Variants in DIAPH3 observed in about 807,000 individuals in gnomAD.
DIAPH3 encodes protein diaphanous homolog 3.
Under a neutral mutation model 144.3 loss-of-function variants are expected in DIAPH3, and 117 were observed. The ratio of observed to expected loss-of-function variants is 0.81; its 90% CI spans 0.70 to 0.95. The LOEUF (loss-of-function observed/expected upper bound fraction) is 0.95, where lower values mean the gene tolerates loss of function less well. Among genes scored for constraint, DIAPH3 ranks in the 40% least tolerant of loss-of-function variants. The pLI is 0.00. For synonymous variants in DIAPH3, 519 were observed against 488.9 expected (o/e 1.06, Z -0.81); for missense variants, 1,421 against 1,412.7 (o/e 1.01, Z -0.09).
intron 5 of DIAPH3, among the ~76,000 whole-genome samples, chr13:60,016,702 C>T (rs981232607): frequency 6.6e-6 from 1 of 152,178 alleles, no homozygotes; most frequent in South Asian, 2.1e-4. Context: ...TACATTCCTA[C>T]AAATGTTAAG....
At chr13:59,816,918 T>C (rs559862949) in intron 24 of DIAPH3, among the ~76,000 whole-genome samples, 2 of 151,932 alleles carry the variant, frequency 1.3e-5, no homozygotes, top group Non-Finnish European at 2.9e-5. Context: ...CAGCAAAGTC[T>C]AATGTGGGGT....
At chr13:60,128,809 GA>G (rs2059060624) in intron 2 of DIAPH3, among the ~76,000 whole-genome samples, 1 of 150,842 alleles carries the variant, frequency 6.6e-6, no homozygotes, top group African/African-American at 2.4e-5. Flanking sequence ...GGAGAGGAGT[GA>G]AGAAAATTAG....
rs773715047 is a variant in DIAPH3 at position 59,969,934 on chromosome 13, T to C, written c.2074+10A>G. 1 of 1,535,454 alleles carries C rather than the reference T, an allele frequency of 6.5e-7. No homozygotes were observed. Among genetic ancestry groups the C allele is most frequent in the South Asian group, 1.2e-5 (1 of 86,678 alleles). The stretch of plus-strand genomic sequence containing the variant: ...ATCAAATTAATAAATAATCAAGATG[T>C]TAAACTTACCTTTTTGTTGGCAACA... On this transcript the variant is annotated intron_variant, in intron 17 of 27. Coordinates refer to ENST00000400324, the MANE Select transcript of DIAPH3 (RefSeq NM_001042517.2).
At chr13:59,946,415 C>T (rs944348293) in intron 17 of DIAPH3, among the ~76,000 whole-genome samples, 1 of 152,116 alleles carries the variant, frequency 6.6e-6, no homozygotes, top group African/African-American at 2.4e-5. Flanking sequence ...CCGAACACTA[C>T]CTGATACCAT....
chr13:59,851,664 G>A (rs865847570), intron 22 of DIAPH3, among the ~76,000 whole-genome samples: 57 of 133,502 alleles, frequency 4.3e-4, no homozygotes, highest in African/African-American at 1.6e-3. Flanking sequence ...TTTTGAGACA[G>A]CGTTTCGCTC....
intron 27 of DIAPH3, among the ~76,000 whole-genome samples, chr13:59,724,868 A>G (rs907752419): frequency 2.0e-5 from 3 of 152,194 alleles, no homozygotes; most frequent in African/African-American, 7.2e-5. Context: ...TGAGTTGAAA[A>G]TAAGATAGCA....
intron 25 of DIAPH3, among the ~76,000 whole-genome samples, chr13:59,809,378 G>A (rs1332542588): frequency 6.6e-6 from 1 of 151,946 alleles, no homozygotes; most frequent in East Asian, 1.9e-4. Context: ...GCGGGCCCCT[G>A]TAATCCCAGC....
chr13:59,851,944 CTTTA>C (rs2042999235), intron 22 of DIAPH3, among the ~76,000 whole-genome samples: 1 of 152,004 alleles, frequency 6.6e-6, no homozygotes, highest in African/African-American at 2.4e-5. Context: ...TTTAAACTAA[CTTTA>C]TTTTTTTTTT....
chr13:59,737,484 T>G (rs1324791585), intron 27 of DIAPH3, among the ~76,000 whole-genome samples: 1 of 152,212 alleles, frequency 6.6e-6, no homozygotes. Flanking sequence ...GCATTGGGAC[T>G]ATTGTTAAAC....
rs76400623 is a variant in DIAPH3, at chr13:60,016,617, A to G, written c.627-472T>C. 8.6e-3 allele frequency among the ~76,000 whole-genome samples: 1,313 copies of G among 152,332 alleles called. 14 individuals carry two copies. The highest frequency in any genetic ancestry group is 0.014 in the Non-Finnish European group (930 of 68,032). On this transcript the variant is annotated intron_variant, in intron 5 of 27. Coordinates refer to ENST00000400324, the MANE Select transcript of DIAPH3 (RefSeq NM_001042517.2). ...CTATGGAGGAAAGATGTAGATCAACATAAAGAAAAAGATTACTGGCAAAAA... is the reference window on the plus strand; with the variant it reads ...CTATGGAGGAAAGATGTAGATCAACGTAAAGAAAAAGATTACTGGCAAAAA...
In DIAPH3 at chr13:59,969,932, T is replaced by G. The variant is rs1335736241; in HGVS notation, c.2074+12A>C. 6.7e-7 allele frequency: 1 copy of G among 1,499,282 alleles called. No individual in the cohort carries two copies. The allele number at this position is 1,499,282 out of a possible 1,614,324, so 92.9% of individuals were successfully genotyped here. ...AAATCAAATTAATAAATAATCAAGA[T>G]GTTAAACTTACCTTTTTGTTGGCAA... On this transcript the variant is annotated intron_variant, in intron 17 of 27. Transcript: ENST00000400324.
At chr13:60,054,095 TC>T (rs2056466605) in intron 4 of DIAPH3, among the ~76,000 whole-genome samples, 1 of 152,170 alleles carries the variant, frequency 6.6e-6, no homozygotes, top group African/African-American at 2.4e-5. Flanking sequence ...ACCTTATTTC[TC>T]CCAGATAGTA....
intron 1 of DIAPH3, among the ~76,000 whole-genome samples, chr13:60,160,273 A>G (rs888695269): frequency 2.0e-5 from 3 of 152,234 alleles, no homozygotes; most frequent in East Asian, 1.9e-4. Flanking sequence ...CACTGAAGGT[A>G]CTACAATGAC....
chr13:59,856,002 G>A (rs187484660), intron 22 of DIAPH3, among the ~76,000 whole-genome samples: 7 of 152,046 alleles, frequency 4.6e-5, no homozygotes, highest in Middle Eastern at 3.4e-3. Flanking sequence ...AGGAAATGCC[G>A]TAGATCTAAT....
intron 2 of DIAPH3, among the ~76,000 whole-genome samples, chr13:60,128,009 GTC>G (rs1234433543): frequency 6.6e-6 from 1 of 151,958 alleles, no homozygotes; most frequent in Non-Finnish European, 1.5e-5. Flanking sequence ...CCAGGTACTG[GTC>G]CTAGTACTAG....
intron 20 of DIAPH3, among the ~76,000 whole-genome samples, chr13:59,891,479 TA>T (rs1566475557): frequency 6.6e-6 from 1 of 150,952 alleles, no homozygotes; most frequent in Non-Finnish European, 1.5e-5. Flanking sequence ...AATTCTATGA[TA>T]AAATAAAATG....
At chr13:59,949,804 C>A (rs1431548734) in intron 17 of DIAPH3, among the ~76,000 whole-genome samples, 2 of 152,158 alleles carry the variant, frequency 1.3e-5, no homozygotes, top group African/African-American at 4.8e-5. Context: ...TATCTTTAGC[C>A]TAAAATCTAC....
chr13:59,913,501 C>A (rs2047090051), intron 19 of DIAPH3, among the ~76,000 whole-genome samples: 1 of 152,130 alleles, frequency 6.6e-6, no homozygotes, highest in African/African-American at 2.4e-5. Flanking sequence ...CATTTACATA[C>A]CCTTGCCTCC....
At chr13:59,892,929 C>A (rs1469247673) in intron 20 of DIAPH3, among the ~76,000 whole-genome samples, 2 of 151,960 alleles carry the variant, frequency 1.3e-5, no homozygotes, top group African/African-American at 4.8e-5. Context: ...GCATAGCATG[C>A]AATCACTAAT....
Sources: allele counts gnomAD v4.1 joint callset (sites outside exome capture counted in the v4.1 genomes callset), GRCh38; gene constraint gnomAD v4.1.1; transcripts MANE v1.5; gene names NCBI Gene and HGNC (gene_info 2026-07-23, HGNC 2026-07-21).